DCC: variants seen among roughly 807,000 people sequenced by gnomAD.
The protein encoded by DCC is DCC netrin 1 receptor.
DCC carries 58 observed loss-of-function variants against 172.5 expected under a neutral mutation model. That is an observed-to-expected ratio of 0.34 (90% CI 0.27 to 0.42). DCC has a LOEUF of 0.42. DCC is among the 10% of genes least tolerant of loss of function. DCC has a pLI of 1.00. For missense variants in DCC, 1,740 were observed against 1,791.0 expected, an observed-to-expected ratio of 0.97 and a Z score of 0.51; for synonymous variants, 709 against 644.5, an observed-to-expected ratio of 1.10 and a Z score of -1.52.
chr18:52,425,589 T>C (rs996305723), intron 1 of DCC, among the ~76,000 whole-genome samples: 3 of 152,118 alleles, frequency 2.0e-5, no homozygotes, highest in African/African-American at 7.2e-5. Flanking sequence ...ATTGGCAACC[T>C]CCATTGCCAA....
chr18:52,345,299 G>A lies in DCC; in HGVS notation c.91+4421G>A, dbSNP rs73955611. ...AGTCACTTGGTTCTGGAAAAGTACT[G>A]TACTCCCTAAAGAGTTCTAAAGAGG... On this transcript the variant is annotated intron_variant, in intron 1 of 28. Transcript: ENST00000442544. 3.4e-3 allele frequency among the ~76,000 whole-genome samples: 524 copies of A among 152,244 alleles called. 7 individuals carry two copies. Among genetic ancestry groups the A allele is most frequent in the African/African-American group, 0.012 (496 of 41,552 alleles).
intron 5 of DCC, among the ~76,000 whole-genome samples, chr18:52,981,065 AT>A: frequency 6.6e-6 from 1 of 152,162 alleles, no homozygotes; most frequent in East Asian, 1.9e-4. Context: ...ACCCAGTAAT[AT>A]ACACTCTCTG....
At chr18:52,865,122 C>G (rs1215206822) in intron 2 of DCC, among the ~76,000 whole-genome samples, 4 of 152,090 alleles carry the variant, frequency 2.6e-5, no homozygotes, top group Non-Finnish European at 4.4e-5. Flanking sequence ...GCCTTGGCCT[C>G]CCAAAGTGCT....
intron 1 of DCC, among the ~76,000 whole-genome samples, chr18:52,716,932 T>C (rs2036393417): frequency 6.6e-6 from 1 of 152,168 alleles, no homozygotes; most frequent in South Asian, 2.1e-4. Flanking sequence ...GGCTCACAGA[T>C]GGGAGGCTAA....
intron 5 of DCC, among the ~76,000 whole-genome samples, chr18:52,986,835 TACACACACACACACACAC>T (rs147730924): frequency 2.2e-5 from 3 of 135,990 alleles, no homozygotes; most frequent in African/African-American, 8.7e-5. Flanking sequence ...CACATATACA[TACACACACACACACACAC>T]ACACAAACAG....
intron 1 of DCC, among the ~76,000 whole-genome samples, chr18:52,359,969 A>T (rs1273464759): frequency 6.6e-6 from 1 of 152,168 alleles, no homozygotes; most frequent in African/African-American, 2.4e-5. Flanking sequence ...CCTGCTCCAT[A>T]ACATGTCCTT....
At chr18:52,645,194 G>T (rs1461793249) in intron 1 of DCC, among the ~76,000 whole-genome samples, 1 of 152,096 alleles carries the variant, frequency 6.6e-6, no homozygotes, top group Non-Finnish European at 1.5e-5. Flanking sequence ...GGGCACTGGT[G>T]TGATGAAAAA....
At chr18:52,741,840 C>G (rs2036826579) in intron 1 of DCC, among the ~76,000 whole-genome samples, 1 of 152,028 alleles carries the variant, frequency 6.6e-6, no homozygotes, top group South Asian at 2.1e-4. Context: ...TATATCTGCT[C>G]CACGTCTGTG....
intron 1 of DCC, among the ~76,000 whole-genome samples, chr18:52,750,147 G>A (rs1170193110): frequency 2.0e-5 from 3 of 152,044 alleles, no homozygotes; most frequent in Non-Finnish European, 4.4e-5. Context: ...ATTCAATCTT[G>A]TTCTAAAAGC....
chr18:52,376,978 A>C (rs546652606), intron 1 of DCC, among the ~76,000 whole-genome samples: 1 of 152,330 alleles, frequency 6.6e-6, no homozygotes, highest in East Asian at 1.9e-4. Context: ...CAGCGGCTAC[A>C]TCTGATGCCT....
At chr18:52,451,575 A>G (rs1988306253) in intron 1 of DCC, among the ~76,000 whole-genome samples, 1 of 152,204 alleles carries the variant, frequency 6.6e-6, no homozygotes, top group Non-Finnish European at 1.5e-5. Context: ...ATAAGAGGAC[A>G]TAGTTTATAA....
intron 2 of DCC, among the ~76,000 whole-genome samples, chr18:52,755,340 T>C (rs2037061547): frequency 6.6e-6 from 1 of 152,254 alleles, no homozygotes; most frequent in Non-Finnish European, 1.5e-5. Context: ...CACATTTACA[T>C]GTGCTGTCTT....
At chr18:52,823,241 G>T (rs1261339790) in intron 2 of DCC, among the ~76,000 whole-genome samples, 1 of 151,986 alleles carries the variant, frequency 6.6e-6, no homozygotes, top group Non-Finnish European at 1.5e-5. Flanking sequence ...GGCTGAGATG[G>T]GAAGATTACT....
intron 7 of DCC, among the ~76,000 whole-genome samples, chr18:53,094,061 T>C (rs142442807): frequency 6.6e-6 from 1 of 152,336 alleles, no homozygotes; most frequent in East Asian, 1.9e-4. Flanking sequence ...ATCGGAATTT[T>C]AAGATGATAC....
At chr18:53,188,819 C>T (rs1426067838) in intron 9 of DCC, among the ~76,000 whole-genome samples, 1 of 152,160 alleles carries the variant, frequency 6.6e-6, no homozygotes, top group East Asian at 1.9e-4. Context: ...CAATCCTTGG[C>T]ATTCCTTGGC....
chr18:53,509,460 G>A (rs1394019489), intron 27 of DCC, among the ~76,000 whole-genome samples: 1 of 152,218 alleles, frequency 6.6e-6, no homozygotes, highest in Non-Finnish European at 1.5e-5. Context: ...TTTAGATTTA[G>A]CAGATCTAGA....
intron 5 of DCC, chr18:52,941,131 A>G (rs551008005): frequency 6.6e-6 from 1 of 152,346 alleles, no homozygotes; most frequent in South Asian, 2.1e-4. Flanking sequence ...AACAAATTCA[A>G]GAATACTGTA....
intron 2 of DCC, among the ~76,000 whole-genome samples, chr18:52,868,705 G>C (rs1315244161): frequency 6.6e-6 from 1 of 152,204 alleles, no homozygotes; most frequent in East Asian, 1.9e-4. Context: ...GGCCTGCTGG[G>C]CTCATTCTGC....
At chr18:52,653,970 T>A (rs2035194581) in intron 1 of DCC, among the ~76,000 whole-genome samples, 1 of 152,214 alleles carries the variant, frequency 6.6e-6, no homozygotes, top group South Asian at 2.1e-4. Context: ...ACTGCATTTT[T>A]AAAGAGATGC....
Sources: gnomAD v4.1 joint callset for allele counts (sites outside exome capture counted in the v4.1 genomes callset) on GRCh38, gnomAD v4.1.1 for gene constraint, MANE v1.5 for transcripts, NCBI Gene and HGNC (gene_info 2026-07-23, HGNC 2026-07-21) for gene names.